The following CASR variants were observed in gnomAD, a reference collection of about 807,000 sequenced individuals.
CASR encodes extracellular calcium-sensing receptor.
In CASR, 23 loss-of-function variants were observed where a neutral mutation model predicts 69.1. The observed-to-expected ratio is 0.33, with a 90% CI of 0.24 to 0.47. The LOEUF is 0.47. Among genes scored for constraint, CASR ranks in the 20% least tolerant of loss-of-function variants. The pLI is 1.00. For missense variants in CASR, 924 were observed against 1,356.1 expected (o/e 0.68, Z 5.00); for synonymous variants, 541 against 544.7 (o/e 0.99, Z 0.10).
rs201670662 is a variant in CASR at position 122,284,101 on chromosome 3, G to A, written c.2147G>A (p.Arg716His). 1.8e-5 allele frequency: 29 copies of A among 1,613,942 alleles called. No homozygotes were observed. The highest frequency in any genetic ancestry group is 5.0e-5 in the Admixed American group (3 of 59,996). The change falls in exon 7 of 7, where the codon CGC becomes CAC. Residue 716 changes from arginine (R) to histidine (H), a missense_variant. By Grantham distance (29) the Arg-to-His change is conservative (BLOSUM62 0). This residue lies in a region of CASR where 184 missense variants were observed against 278.8 expected (regional missense o/e 0.66). Coordinates refer to ENST00000639785, the MANE Select transcript of CASR (RefSeq NM_000388.4). Reference sequence around the variant, plus strand: ...GCCAAGATCCCCACCAGCTTCCACCGCAAGTGGTGGGGGCTCAACCTGCAG... The same window carrying A: ...GCCAAGATCCCCACCAGCTTCCACCACAAGTGGTGGGGGCTCAACCTGCAG... ...FEAKIPTSFH[R>H]KWWGLNLQFL...
intron 1 of CASR, among the ~76,000 whole-genome samples, chr3:122,240,756 T>G (rs2074371927): frequency 6.6e-6 from 1 of 152,238 alleles, no homozygotes; most frequent in African/African-American, 2.4e-5. Flanking sequence ...ATGTGGATCA[T>G]TCTCAAGTAT....
chr3:122,239,341 G>C (rs1408808603), intron 1 of CASR, among the ~76,000 whole-genome samples: 1 of 152,234 alleles, frequency 6.6e-6, no homozygotes, highest in Non-Finnish European at 1.5e-5. Context: ...CTGTGGAAAG[G>C]TGAGGGAACA....
In CASR at chr3:122,285,399, TGGTTGCA is replaced by T; in HGVS notation, c.*209_*215del. The T allele has an allele frequency of 9.1e-6, 5 of 552,312 alleles. No individual in the cohort carries two copies. The highest frequency in any genetic ancestry group is 4.4e-5 in the South Asian group (2 of 45,004). The allele number at this position is 552,312 out of a possible 1,614,324, so 34.2% of individuals were successfully genotyped here. On this transcript the variant is annotated 3_prime_UTR_variant, in exon 7 of 7. Transcript: ENST00000639785. ...AAAAAAGAAGAGCCTTGTGTTTCTG[TGGTTGCA>T]TTTGTCAAAGCATTGAGATCTCCAC...
intron 4 of CASR, among the ~76,000 whole-genome samples, chr3:122,270,161 GA>G: frequency 6.6e-6 from 1 of 152,104 alleles, no homozygotes. Context: ...ATTTTGAACT[GA>G]AAATTCAATT....
Position 122,261,815 on chromosome 3 carries a change from A to G in CASR, c.780A>G (p.Gln260=), listed in dbSNP as rs1060504734. 2 of 1,614,228 alleles carry G rather than the reference A, an allele frequency of 1.2e-6. No homozygotes were observed. Among genetic ancestry groups the G allele is most frequent in the East Asian group, 2.2e-5 (1 of 44,888 alleles). ...EEIQHVVEVI[Q]NSTAKVIVVF... ...TCCAGCATGTGGTAGAGGTGATTCA[A>G]AATTCCACGGCCAAAGTCATCGTGG... The change falls in exon 4 of 7, where the codon CAA becomes CAG. Residue 260 remains glutamine (Q), a synonymous_variant. Coordinates refer to ENST00000639785, the MANE Select transcript of CASR (RefSeq NM_000388.4).
At chr3:122,219,036 G>T (rs374744480) in intron 1 of CASR, among the ~76,000 whole-genome samples, 3 of 152,160 alleles carry the variant, frequency 2.0e-5, no homozygotes, top group African/African-American at 4.8e-5. Flanking sequence ...GGAAATTAGG[G>T]TGGCCGGAAA....
rs1160327812 is a variant in CASR at position 122,284,726 on chromosome 3, C to T, written c.2772C>T (p.Phe924=). ...GCAAGAGCAACAGCGAAGACCCATT[C>T]CCACAGCCCGAGAGGCAGAAGCAGC... ...ISSKSNSEDP[F]PQPERQKQQQ... Residue 924 remains phenylalanine (F), a synonymous_variant, in exon 7 of 7, where the codon TTC becomes TTT. Coordinates refer to ENST00000639785, the MANE Select transcript of CASR (RefSeq NM_000388.4). 1 of 1,614,190 alleles carries T rather than the reference C, an allele frequency of 6.2e-7. No homozygotes were observed. The highest frequency in any genetic ancestry group is 8.5e-7 in the Non-Finnish European group (1 of 1,180,020).
rs191016821 is a variant in CASR, at chr3:122,211,789, C to T, written c.-243+27977C>T. Among the ~76,000 whole-genome samples, 730 of 90,328 alleles carry T rather than the reference C, an allele frequency of 8.1e-3. 7 individuals carry two copies. Among genetic ancestry groups the T allele is most frequent in the Admixed American group, 0.035 (242 of 6,900 alleles). 59.3% of individuals were successfully genotyped at this position (90,328 alleles called of 152,430 possible). On this transcript the variant is annotated intron_variant, in intron 1 of 6. Transcript: ENST00000639785. ...CACTTCTCAAAAGAAAACATTTATGCGGCCAATAAACATGAAAAAAAGTTC... is the reference window on the plus strand; with the variant it reads ...CACTTCTCAAAAGAAAACATTTATGTGGCCAATAAACATGAAAAAAAGTTC...
At chr3:122,187,175 T>G (rs181494168) in intron 1 of CASR, among the ~76,000 whole-genome samples, 8 of 152,338 alleles carry the variant, frequency 5.3e-5, no homozygotes, top group Non-Finnish European at 7.4e-5. Flanking sequence ...ATGTTATCAC[T>G]AAATAGATTC....
At chr3:122,190,983 C>G (rs17282008) in intron 1 of CASR, among the ~76,000 whole-genome samples, 30,635 of 152,214 alleles carry the variant, frequency 0.2, 3,384 homozygotes, top group Middle Eastern at 0.26. Context: ...ACTCCTAGCT[C>G]TCTGCTCTTC....
intron 1 of CASR, among the ~76,000 whole-genome samples, chr3:122,211,284 C>T (rs113762618): frequency 1.0e-3 from 157 of 152,296 alleles, no homozygotes; most frequent in African/African-American, 3.4e-3. Context: ...AAGAAACTAT[C>T]GTCAGAGTGA....
intron 1 of CASR, among the ~76,000 whole-genome samples, chr3:122,202,946 C>A (rs1427408944): frequency 6.6e-6 from 1 of 152,158 alleles, no homozygotes; most frequent in African/African-American, 2.4e-5. Context: ...TACCATCTGT[C>A]AATTATCAAG....
chr3:122,239,884 G>A (rs926838427), intron 1 of CASR, among the ~76,000 whole-genome samples: 5 of 152,198 alleles, frequency 3.3e-5, no homozygotes, highest in African/African-American at 1.2e-4. Flanking sequence ...ACACCTAGAA[G>A]ATCAAGAGAA....
At position 122,284,060 on chromosome 3, in the gene CASR, C is replaced by T. The variant is rs1353730603; in HGVS notation, c.2106C>T (p.Val702=). The change falls in exon 7 of 7, where the codon GTC becomes GTT. Residue 702 remains valine (V), a synonymous_variant. Coordinates refer to ENST00000639785, the MANE Select transcript of CASR (RefSeq NM_000388.4). ...GCATCCTGGTGAAAACCAACCGTGT[C>T]CTCCTGGTGTTTGAGGCCAAGATCC... ...ISCILVKTNR[V]LLVFEAKIPT... is the part of the protein sequence containing the mutation. 5 of 1,614,094 alleles carry T rather than the reference C, an allele frequency of 3.1e-6. No homozygotes were observed. The highest frequency in any genetic ancestry group is 4.2e-6 in the Non-Finnish European group (5 of 1,180,050).
chr3:122,249,120 T>G (rs1249878934), intron 1 of CASR, among the ~76,000 whole-genome samples: 1 of 152,236 alleles, frequency 6.6e-6, no homozygotes, highest in East Asian at 1.9e-4. Flanking sequence ...ATACATTTGT[T>G]CAACGAATAT....
intron 1 of CASR, among the ~76,000 whole-genome samples, chr3:122,188,285 T>G (rs1315730472): frequency 6.6e-6 from 1 of 152,202 alleles, no homozygotes; most frequent in Non-Finnish European, 1.5e-5. Context: ...GCTTGAGATA[T>G]CGTCAAAGTA....
At position 122,255,881 on chromosome 3, in the gene CASR, T is replaced by C. The variant is rs1470297585; in HGVS notation, c.186-1200T>C. On this transcript the variant is annotated intron_variant, in intron 2 of 6. Transcript: ENST00000639785. ...CTCACCTCCTGTCACTGTCACTGAG[T>C]TCAAGTAGTGAAACCCACAATATAA... 5.9e-5 allele frequency among the ~76,000 whole-genome samples: 8 copies of C among 136,320 alleles called. No homozygotes were observed. The East Asian group carries it at 1.8e-3, about 30-fold the overall frequency. 89.4% of individuals were successfully genotyped at this position (136,320 alleles called of 152,430 possible).
intron 5 of CASR, among the ~76,000 whole-genome samples, chr3:122,280,617 A>C (rs1266121212): frequency 2.0e-5 from 3 of 152,068 alleles, no homozygotes; most frequent in Non-Finnish European, 4.4e-5. Context: ...GGGTCATGAG[A>C]GTCTTGGCAA....
chr3:122,198,694 T>C (rs1243586553), intron 1 of CASR, among the ~76,000 whole-genome samples: 1 of 152,104 alleles, frequency 6.6e-6, no homozygotes, highest in Non-Finnish European at 1.5e-5. Flanking sequence ...TCTTAGTGAA[T>C]TACATAGCTA....
Sources: allele counts gnomAD v4.1 joint callset (sites outside exome capture counted in the v4.1 genomes callset), GRCh38; gene constraint gnomAD v4.1.1; regional missense constraint gnomAD v4.1.1; transcripts MANE v1.5; gene names NCBI Gene and HGNC (gene_info 2026-07-23, HGNC 2026-07-21).